Variants in ARMC8 observed in about 807,000 individuals in gnomAD.
The protein encoded by ARMC8 is armadillo repeat-containing protein 8.
In ARMC8, 20 loss-of-function variants were observed where a neutral mutation model predicts 99.3. The ratio of observed to expected loss-of-function variants is 0.20; its 90% CI spans 0.14 to 0.29. The LOEUF is 0.29. Among genes scored for constraint, ARMC8 ranks in the 10% least tolerant of loss-of-function variants. ARMC8 has a pLI of 1.00. For synonymous variants in ARMC8, 263 were observed against 278.3 expected (o/e 0.95, Z 0.55); for missense variants, 569 against 809.5 (o/e 0.70, Z 3.60).
chr3:138,205,218 G>A (rs866988023), intron 1 of ARMC8, among the ~76,000 whole-genome samples: 1 of 151,430 alleles, frequency 6.6e-6, no homozygotes, highest in Non-Finnish European at 1.5e-5. Context: ...AAAGGTGCGC[G>A]CCACCATGCC....
At chr3:138,276,826 G>C (rs1028877975) in intron 18 of ARMC8, among the ~76,000 whole-genome samples, 2 of 152,162 alleles carry the variant, frequency 1.3e-5, no homozygotes, top group Non-Finnish European at 2.9e-5. Context: ...TTGATTTATA[G>C]ATTAAGCACA....
chr3:138,224,236 G>A (rs2045564727), intron 5 of ARMC8, among the ~76,000 whole-genome samples: 1 of 151,604 alleles, frequency 6.6e-6, no homozygotes. Context: ...GGGATTACAG[G>A]TGTGAGCCAC....
chr3:138,193,871 G>A (rs1450461920), intron 1 of ARMC8, among the ~76,000 whole-genome samples: 1 of 152,086 alleles, frequency 6.6e-6, no homozygotes, highest in African/African-American at 2.4e-5. Flanking sequence ...GAAAACTTAC[G>A]CTCTGTGAAA....
intron 1 of ARMC8, among the ~76,000 whole-genome samples, chr3:138,201,661 A>G (rs1009583768): frequency 2.0e-5 from 3 of 151,524 alleles, no homozygotes; most frequent in Admixed American, 6.6e-5. Context: ...GTGTTTCACC[A>G]TGTTGGTCAG....
Position 138,271,035 on chromosome 3 carries a change from G to C in ARMC8, c.1479+903G>C, listed in dbSNP as rs2048740225. Among the ~76,000 whole-genome samples, 3 of 152,292 alleles carry C rather than the reference G, an allele frequency of 2.0e-5. No individual in the cohort carries two copies. In the South Asian group the frequency reaches 6.2e-4, roughly 32 times the overall value. On this transcript the variant is annotated intron_variant, in intron 16 of 21. Transcript: ENST00000469044. ...GGGAGGGTAAGTGAATTGTGAAGGTGAAGGCCTCACAGTTAATAATGGAAA... is the reference window on the plus strand; with the variant it reads ...GGGAGGGTAAGTGAATTGTGAAGGTCAAGGCCTCACAGTTAATAATGGAAA...
chr3:138,271,054 A>C (rs1279728600), intron 16 of ARMC8, among the ~76,000 whole-genome samples: 15 of 152,184 alleles, frequency 9.9e-5, no homozygotes, highest in Non-Finnish European at 4.4e-5. Flanking sequence ...ACAGTTAATA[A>C]TGGAAATGGG....
intron 1 of ARMC8, among the ~76,000 whole-genome samples, chr3:138,199,426 G>A (rs1021668769): frequency 1.3e-5 from 2 of 152,124 alleles, no homozygotes; most frequent in African/African-American, 4.8e-5. Context: ...ACCTAAGAAG[G>A]ACATGATAGC....
At chr3:138,190,657 A>G (rs575719903) in intron 1 of ARMC8, among the ~76,000 whole-genome samples, 5 of 152,332 alleles carry the variant, frequency 3.3e-5, no homozygotes, top group Non-Finnish European at 7.3e-5. Context: ...AGAGTGATAC[A>G]GAATTCTTCC....
intron 6 of ARMC8, among the ~76,000 whole-genome samples, chr3:138,232,856 A>G (rs944325322): frequency 7.9e-5 from 12 of 152,208 alleles, no homozygotes; most frequent in Non-Finnish European, 1.6e-4. Flanking sequence ...ATAGAGGTGG[A>G]AAAACAATGA....
At chr3:138,281,355 C>T (rs6801326) in intron 18 of ARMC8, among the ~76,000 whole-genome samples, 44 of 151,140 alleles carry the variant, frequency 2.9e-4, no homozygotes, top group African/African-American at 1.0e-3. Flanking sequence ...TGCAGTGACG[C>T]GATATCGGCT....
chr3:138,232,596 CTAGT>C (rs1169625964), intron 6 of ARMC8, among the ~76,000 whole-genome samples: 8 of 152,174 alleles, frequency 5.3e-5, no homozygotes, highest in East Asian at 3.9e-4. Context: ...CTATAGGGTA[CTAGT>C]TAAAGTTTAG....
At chr3:138,209,522 TA>T (rs2044576691) in intron 1 of ARMC8, among the ~76,000 whole-genome samples, 1 of 152,204 alleles carries the variant, frequency 6.6e-6, no homozygotes, top group Admixed American at 6.5e-5. Flanking sequence ...TAAGACATAG[TA>T]AAATGTATAC....
rs1315022451 is a variant in ARMC8, at chr3:138,223,605, G to A, written c.338-31G>A. ...CAGTGCTTTAAATACTGGTTGAAAG[G>A]ATTAGTCCTAAATCTCATTTCTGTT... On this transcript the variant is annotated intron_variant, in intron 4 of 21. Coordinates refer to ENST00000469044, the MANE Select transcript of ARMC8 (RefSeq NM_001363941.2). 3 of 1,613,644 alleles carry A rather than the reference G, an allele frequency of 1.9e-6. No individual in the cohort carries two copies. The Admixed American group carries it at 5.0e-5, about 27-fold the overall frequency.
intron 2 of ARMC8, among the ~76,000 whole-genome samples, chr3:138,211,175 TTTAC>T (rs899884087): frequency 4.2e-4 from 64 of 152,304 alleles, no homozygotes; most frequent in Admixed American, 3.1e-3. Flanking sequence ...GGGGGCAGGT[TTTAC>T]TTAACACTCT....
At chr3:138,223,330 C>A in intron 3 of ARMC8, 59 bp from the exon 4 acceptor site, 1 of 1,541,292 alleles carries the variant, frequency 6.5e-7, no homozygotes, top group South Asian at 1.2e-5. Context: ...CTTTTTTGGT[C>A]ACATTGAGTC....
chr3:138,255,980 AAAG>A (rs538056751), intron 12 of ARMC8, among the ~76,000 whole-genome samples: 13 of 152,330 alleles, frequency 8.5e-5, no homozygotes, highest in East Asian at 5.8e-4. Context: ...AAAGAAAGGA[AAAG>A]AAGAAGAAGA....
chr3:138,289,140 T>C lies in ARMC8; in HGVS notation c.1894+20T>C. On this transcript the variant is annotated intron_variant, in intron 20 of 21. Transcript: ENST00000469044. ...AGGAAGGTAAGAGATTGGTGAGATT[T>C]GTTTTGAAAAAAATTATGGGAAGAG... 6.3e-7 allele frequency: 1 copy of C among 1,598,822 alleles called. No individual in the cohort carries two copies. Among genetic ancestry groups the C allele is most frequent in the Admixed American group, 1.7e-5 (1 of 59,142 alleles).
At chr3:138,225,779 A>G (rs1192837332) in intron 5 of ARMC8, among the ~76,000 whole-genome samples, 2 of 152,200 alleles carry the variant, frequency 1.3e-5, no homozygotes, top group Non-Finnish European at 2.9e-5. Context: ...GATCTTATCC[A>G]GAATCAGGCT....
rs986524578 is a variant in ARMC8 at position 138,208,672 on chromosome 3, C to T, written c.46-1145C>T. ...CCCTATAAGAACTTATTGCTAACGG[C>T]GGGGGAGTATATAAAGATATTTCAG... On this transcript the variant is annotated intron_variant, in intron 1 of 21. Coordinates refer to ENST00000469044, the MANE Select transcript of ARMC8 (RefSeq NM_001363941.2). Among the ~76,000 whole-genome samples the T allele has an allele frequency of 5.3e-5, 8 of 151,916 alleles. No homozygotes were observed. In the South Asian group the frequency reaches 6.3e-4, roughly 12 times the overall value.
Sources: gnomAD v4.1 joint callset for allele counts (sites outside exome capture counted in the v4.1 genomes callset) on GRCh38, gnomAD v4.1.1 for gene constraint, MANE v1.5 for transcripts, NCBI Gene and HGNC (gene_info 2026-07-23, HGNC 2026-07-21) for gene names.